The following WWTR1 variants were observed in gnomAD, a reference collection of about 807,000 sequenced individuals.
WWTR1 encodes WW domain-containing transcription regulator protein 1.
Under a neutral mutation model 40.1 loss-of-function variants are expected in WWTR1, and 13 were observed. The ratio of observed to expected loss-of-function variants is 0.32; its 90% confidence interval spans 0.21 to 0.52. The LOEUF (loss-of-function observed/expected upper bound fraction) is 0.52. Ranked by LOEUF, WWTR1 falls within the 20% of genes least tolerant of loss-of-function variation. The probability of loss-of-function intolerance (pLI) is 0.97; values close to 1 mark genes in which losing one functional copy is unlikely to be tolerated. For missense variants in WWTR1, 436 were observed against 523.1 expected (o/e 0.83, Z 1.63); for synonymous variants, 230 against 210.1 (o/e 1.09, Z -0.82).
Position 149,582,729 on chromosome 3 carries a change from C to T in WWTR1, c.432-9729G>A, listed in dbSNP as rs1025118762. Among the ~76,000 whole-genome samples the T allele has an allele frequency of 6.0e-5, 9 of 149,328 alleles. 1 individual carries two copies. Among genetic ancestry groups the T allele is most frequent in the East Asian group, 5.8e-4 (3 of 5,178 alleles). ...TGGGCGGCAGAGCAAAACTCTGTCT[C>T]AAAAATAATAATAAAATAAAATAAA... On this transcript the variant is annotated intron_variant, in intron 2 of 6. Transcript: ENST00000360632.
chr3:149,676,135 G>GA (rs199808758), intron 1 of WWTR1, among the ~76,000 whole-genome samples: 1,688 of 152,118 alleles, frequency 0.011, 32 homozygotes, highest in African/African-American at 0.039. Flanking sequence ...GCACCAGGGG[G>GA]AAAAAATCAC....
intron 2 of WWTR1, among the ~76,000 whole-genome samples, chr3:149,626,750 G>A (rs183750219): frequency 1.1e-3 from 168 of 152,210 alleles, no homozygotes; most frequent in South Asian, 3.5e-3. Context: ...CACATGGGGT[G>A]ATGAAATACA....
At chr3:149,679,950 A>G (rs746289493) in intron 1 of WWTR1, among the ~76,000 whole-genome samples, 1 of 152,120 alleles carries the variant, frequency 6.6e-6, no homozygotes, top group Non-Finnish European at 1.5e-5. Flanking sequence ...GAAATTCAGA[A>G]CTGTATTCTG....
At chr3:149,633,655 T>G (rs908532643) in intron 2 of WWTR1, among the ~76,000 whole-genome samples, 1 of 152,076 alleles carries the variant, frequency 6.6e-6, no homozygotes, top group Admixed American at 6.6e-5. Flanking sequence ...GCCTGTAGAC[T>G]GGGTTCAGGG....
intron 2 of WWTR1, among the ~76,000 whole-genome samples, chr3:149,615,563 A>G (rs941792116): frequency 1.3e-5 from 2 of 152,208 alleles, no homozygotes; most frequent in African/African-American, 2.4e-5. Flanking sequence ...TTGTGAATAT[A>G]TATTGCTCCA....
chr3:149,620,267 A>G (rs938997594), intron 2 of WWTR1, among the ~76,000 whole-genome samples: 1 of 152,170 alleles, frequency 6.6e-6, no homozygotes, highest in Non-Finnish European at 1.5e-5. Context: ...CATAAAGGGA[A>G]GCGTGGCACA....
chr3:149,521,812 G>A (rs1332659539), intron 6 of WWTR1, among the ~76,000 whole-genome samples: 3 of 152,118 alleles, frequency 2.0e-5, no homozygotes, highest in Non-Finnish European at 4.4e-5. Context: ...TCATTAGATC[G>A]AGCTTTGTGG....
intron 1 of WWTR1, among the ~76,000 whole-genome samples, chr3:149,671,261 C>T (rs937142734): frequency 2.6e-5 from 4 of 152,054 alleles, no homozygotes; most frequent in Non-Finnish European, 5.9e-5. Context: ...CTCTCAACAC[C>T]GCTGGCAGGA....
rs1174518696 is a variant in WWTR1, at chr3:149,519,937, C to T, written c.*868G>A. On this transcript the variant is annotated 3_prime_UTR_variant, in exon 7 of 7. Coordinates refer to ENST00000360632, the MANE Select transcript of WWTR1 (RefSeq NM_015472.6). ...CAGCCTGGACAACAAGAGCAAAACT[C>T]GATCTCAAAAACAAACAAACAACAT... The T allele has an allele frequency of 6.6e-6, 1 of 150,734 alleles. No individual in the cohort carries two copies. The allele number at this position is 150,734 out of a possible 1,614,324, so 9.3% of individuals were successfully genotyped here. A position where few individuals can be genotyped will look rare whatever the true frequency, so the allele number is the denominator to read the frequency against.
chr3:149,674,112 G>A (rs957085839), intron 1 of WWTR1, among the ~76,000 whole-genome samples: 2 of 150,570 alleles, frequency 1.3e-5, no homozygotes, highest in African/African-American at 4.9e-5. Context: ...CCCAGCTACT[G>A]GGGAGGCTGA....
chr3:149,555,172 A>G (rs370840902), intron 3 of WWTR1, among the ~76,000 whole-genome samples: 16 of 152,330 alleles, frequency 1.1e-4, no homozygotes, highest in African/African-American at 3.8e-4. Context: ...TGTGTTCCAC[A>G]CGGAATGGAA....
chr3:149,718,983 G>A (rs1053008332), intron 4 of WWTR1, among the ~76,000 whole-genome samples: 4 of 151,464 alleles, frequency 2.6e-5, no homozygotes, highest in Admixed American at 6.6e-5. Context: ...TTGTCACCAC[G>A]CCTGGCTAAT....
intron 3 of WWTR1, among the ~76,000 whole-genome samples, chr3:149,560,560 G>T (rs1415006870): frequency 6.6e-6 from 1 of 152,212 alleles, no homozygotes; most frequent in Non-Finnish European, 1.5e-5. Flanking sequence ...GAAATTAAGA[G>T]AATATTTTTC....
chr3:149,633,569 C>G (rs966371227), intron 2 of WWTR1, among the ~76,000 whole-genome samples: 21 of 152,164 alleles, frequency 1.4e-4, no homozygotes, highest in African/African-American at 5.1e-4. Flanking sequence ...CAGCTCAGTG[C>G]TAGGTATAAT....
At chr3:149,634,097 T>A (rs182708345) in intron 2 of WWTR1, among the ~76,000 whole-genome samples, 127 of 151,894 alleles carry the variant, frequency 8.4e-4, no homozygotes, top group Non-Finnish European at 1.4e-3. Flanking sequence ...GAAGGAAAGA[T>A]GAGAGGTCCA....
chr3:149,622,498 G>GAAAGA (rs1560089724), intron 2 of WWTR1, among the ~76,000 whole-genome samples: 3,172 of 49,816 alleles, frequency 0.064, 81 homozygotes, highest in Middle Eastern at 0.11. Context: ...AGGAAGGAAG[G>GAAAGA]AAGGAAGAAA....
chr3:149,721,480 AAT>A (rs1483029869), intron 4 of WWTR1, among the ~76,000 whole-genome samples: 1 of 152,176 alleles, frequency 6.6e-6, no homozygotes, highest in Non-Finnish European at 1.5e-5. Flanking sequence ...TAATCTTTTA[AAT>A]ATGCTGTTGC....
At chr3:149,524,246 G>A (rs577717886) in intron 6 of WWTR1, among the ~76,000 whole-genome samples, 78 of 151,734 alleles carry the variant, frequency 5.1e-4, no homozygotes, top group African/African-American at 1.5e-3. Flanking sequence ...TCCACATTAC[G>A]GCTTCAAAAT....
intron 1 of WWTR1, among the ~76,000 whole-genome samples, chr3:149,690,524 A>G (rs1402738829): frequency 6.6e-6 from 1 of 152,212 alleles, no homozygotes; most frequent in Non-Finnish European, 1.5e-5. Flanking sequence ...AAAGAAGGTC[A>G]TTATATAATG....
Sources: allele counts gnomAD v4.1 joint callset (sites outside exome capture counted in the v4.1 genomes callset), GRCh38; gene constraint gnomAD v4.1.1; transcripts MANE v1.5; gene names NCBI Gene and HGNC (gene_info 2026-07-23, HGNC 2026-07-21).